ADGRF1: variants seen among roughly 807,000 people sequenced by gnomAD.
ADGRF1 encodes the protein G protein-coupled receptor 110.
Under a neutral mutation model 87.2 loss-of-function variants are expected in ADGRF1, and 85 were observed. That is an observed-to-expected ratio of 0.97 (90% CI 0.82 to 1.17). The LOEUF is 1.17. Ranked by LOEUF, ADGRF1 falls within the 50% of genes most tolerant of loss-of-function variation. ADGRF1 has a pLI of 0.00. For missense variants in ADGRF1, 1,169 were observed against 1,077.2 expected (o/e 1.09, Z -1.19); for synonymous variants, 430 against 408.8 (o/e 1.05, Z -0.63).
rs775436130 is a variant in ADGRF1 at position 47,027,714 on chromosome 6, T to C, written c.117A>G (p.Lys39=). ...KTKKELIVNK[K]KHLGPVEEYQ... The stretch of plus-strand genomic sequence containing the variant: ...CTAACAGAGCCTCACCTAGATGTTT[T>C]TTCTTATTCACAATGAGTTCTTTTT... The change falls in exon 3 of 15, where the codon AAA becomes AAG. Residue 39 remains lysine, a synonymous_variant. Transcript: ENST00000371253. 6.3e-5 allele frequency: 101 copies of C among 1,605,538 alleles called. No individual in the cohort carries two copies. The South Asian group carries it at 1.1e-3, about 17-fold the overall frequency.
In ADGRF1 at chr6:47,032,486, C is replaced by T. The variant is rs1780457384; in HGVS notation, c.-43-3382G>A. Among the ~76,000 whole-genome samples the T allele has an allele frequency of 2.0e-5, 3 of 152,282 alleles. No homozygotes were observed. In the South Asian group the frequency reaches 6.2e-4, roughly 32 times the overall value. ...CTGAAATTCAAATTTAACTGGACAT[C>T]CTATATTTGACAACTAGTCAAAGGT... On this transcript the variant is annotated intron_variant, in intron 1 of 14. Transcript: ENST00000371253.
intron 3 of ADGRF1, 91 bp downstream of exon 3, chr6:47,027,613 T>C: frequency 1.3e-6 from 1 of 783,386 alleles, no homozygotes; most frequent in African/African-American, 1.7e-5. Flanking sequence ...GTGCCTAGGA[T>C]CATACAACCA....
chr6:47,014,529 G>T, intron 9 of ADGRF1, 152 bp downstream of exon 9: 1 of 1,422,590 alleles, frequency 7.0e-7, no homozygotes, highest in East Asian at 2.6e-5. Context: ...ACGACTCCAC[G>T]GGTTCACCAG....
At chr6:47,011,117 G>T (rs1461883160) in intron 10 of ADGRF1, among the ~76,000 whole-genome samples, 1 of 152,036 alleles carries the variant, frequency 6.6e-6, no homozygotes, top group East Asian at 1.9e-4. Flanking sequence ...CTTTGTGTTT[G>T]CCTGCTTTGT....
intron 13 of ADGRF1, among the ~76,000 whole-genome samples, chr6:47,005,018 T>C (rs917667122): frequency 6.6e-6 from 1 of 152,228 alleles, no homozygotes; most frequent in African/African-American, 2.4e-5. Flanking sequence ...AAAAGTTATA[T>C]TGTCACTTGT....
rs1488354923 is a variant in ADGRF1, at chr6:46,997,982, A to G, written c.*2240T>C. On this transcript the variant is annotated 3_prime_UTR_variant, in exon 15 of 15. Coordinates refer to ENST00000371253, the MANE Select transcript of ADGRF1 (RefSeq NM_153840.4). ...CAGTCGCCTACAATAAGAAGAAACT[A>G]CAATAATTTAGTACTAAATTTTTCT... 6.6e-6 allele frequency: 1 copy of G among 152,208 alleles called. No individual in the cohort carries two copies. The highest frequency in any genetic ancestry group is 6.5e-5 in the Admixed American group (1 of 15,286). The allele number at this position is 152,208 out of a possible 1,614,324, so 9.4% of individuals were successfully genotyped here.
intron 14 of ADGRF1, 35 bp downstream of exon 14, chr6:47,001,466 C>A: frequency 1.3e-6 from 2 of 1,570,696 alleles, no homozygotes; most frequent in South Asian, 2.2e-5. Context: ...ACTCTTTTCA[C>A]ACCTTTTATA....
chr6:47,010,066 A>T lies in ADGRF1; in HGVS notation c.1369T>A (p.Ser457Thr). 1 of 1,614,070 alleles carries T rather than the reference A, an allele frequency of 6.2e-7. No individual in the cohort carries two copies. Among genetic ancestry groups the T allele is most frequent in the African/African-American group, 1.3e-5 (1 of 75,020 alleles). Residue 457 changes from serine to threonine, a missense_variant, in exon 11 of 15, where the codon TCT becomes ACT. Coordinates refer to ENST00000371253, the MANE Select transcript of ADGRF1 (RefSeq NM_153840.4). ...YQIKMCPQNT[S>T]IPIRGRVLIG... ...AACACACGGCCTCTGATGGGAATAG[A>T]TGTATTTTGGGGACACATTTTAATC...
intron 10 of ADGRF1, among the ~76,000 whole-genome samples, chr6:47,011,382 A>G (rs2113882962): frequency 6.6e-6 from 1 of 152,360 alleles, no homozygotes; most frequent in South Asian, 2.1e-4. Flanking sequence ...AACATATAAA[A>G]TGTATACACC....
intron 1 of ADGRF1, among the ~76,000 whole-genome samples, chr6:47,035,489 G>T (rs1247784368): frequency 1.3e-5 from 2 of 152,180 alleles, no homozygotes; most frequent in African/African-American, 4.8e-5. Flanking sequence ...AATTTACAAA[G>T]TGTTTTTAAT....
chr6:47,016,863 G>A, intron 7 of ADGRF1, 95 bp from the exon 8 acceptor site: 1 of 1,387,640 alleles, frequency 7.2e-7, no homozygotes, highest in Non-Finnish European at 9.4e-7. Context: ...GGGGTCCATA[G>A]GAATAAAGTA....
intron 10 of ADGRF1, among the ~76,000 whole-genome samples, chr6:47,011,375 A>G (rs1303789551): frequency 1.3e-5 from 2 of 152,256 alleles, no homozygotes; most frequent in Non-Finnish European, 2.9e-5. Context: ...ATCCTTTAAC[A>G]TATAAAATGT....
At chr6:47,036,291 G>GCTCA (rs1398396322) in intron 1 of ADGRF1, among the ~76,000 whole-genome samples, 2 of 152,180 alleles carry the variant, frequency 1.3e-5, no homozygotes, top group East Asian at 3.9e-4. Flanking sequence ...TGGGTACTAT[G>GCTCA]CTCACTCACT....
intron 8 of ADGRF1, among the ~76,000 whole-genome samples, chr6:47,016,208 AAC>A: frequency 6.6e-6 from 1 of 151,260 alleles, no homozygotes; most frequent in Non-Finnish European, 1.5e-5. Context: ...TCTGAAGAAA[AAC>A]AGTTTGTGTG....
chr6:47,027,633 A>G lies in ADGRF1; in HGVS notation c.127+71T>C, dbSNP rs560077525. ...TAGGATCATACAACCAGTCAGGGGC[A>G]CCGCTGGGATTAGAAACCTGGTCCC... On this transcript the variant is annotated intron_variant, in intron 3 of 14. Transcript: ENST00000371253. 36 of 945,682 alleles carry G rather than the reference A, an allele frequency of 3.8e-5. No individual in the cohort carries two copies. In the East Asian group the frequency reaches 8.4e-4, roughly 22 times the overall value. The allele number at this position is 945,682 out of a possible 1,614,324, so 58.6% of individuals were successfully genotyped here.
At chr6:47,013,447 T>C (rs1046905786) in intron 9 of ADGRF1, 2 of 985,400 alleles carry the variant, frequency 2.0e-6, no homozygotes, top group African/African-American at 3.5e-5. Context: ...TGGGGTTTTC[T>C]ACTGCAGCAG....
chr6:47,007,142 A>C (rs1192207380), intron 12 of ADGRF1, 111 bp downstream of exon 12: 1 of 584,110 alleles, frequency 1.7e-6, no homozygotes, highest in Non-Finnish European at 3.0e-6. Context: ...ATTTTATTAC[A>C]AAAGTACCAA....
rs1370063222 is a variant in ADGRF1 at position 47,009,862 on chromosome 6, T to C, written c.1573A>G (p.Ile525Val). 1.2e-6 allele frequency: 2 copies of C among 1,613,928 alleles called. No homozygotes were observed. The highest frequency in any genetic ancestry group is 1.7e-5 in the Admixed American group (1 of 60,002). Residue 525 changes from isoleucine (I) to valine (V), a missense_variant, in exon 11 of 15, where the codon ATA becomes GTA. Ile to Val is a conservative substitution (Grantham distance 29). Coordinates refer to ENST00000371253, the MANE Select transcript of ADGRF1 (RefSeq NM_153840.4). ...TGAGGCTGGCTCAGGTTTGACTCTA[T>C]CTTGGAAAAAAATAGGAAAACTTCA... ...INEVFLFFSK[I>V]ESNLSQPHCV...
intron 4 of ADGRF1, 40 bp from the exon 5 acceptor site, chr6:47,024,257 T>C: frequency 1.4e-6 from 2 of 1,474,392 alleles, no homozygotes; most frequent in Non-Finnish European, 1.9e-6. Context: ...GATTCTGGTT[T>C]ATAAACTGAC....
Sources: gnomAD v4.1 joint callset for allele counts (sites outside exome capture counted in the v4.1 genomes callset) on GRCh38, gnomAD v4.1.1 for gene constraint, MANE v1.5 for transcripts, NCBI Gene and HGNC (gene_info 2026-07-23, HGNC 2026-07-21) for gene names.